CCDC40: variants seen among roughly 807,000 people sequenced by gnomAD.
The protein encoded by CCDC40 is coiled-coil domain 40 molecular ruler complex subunit.
A neutral mutation model predicts 124.5 loss-of-function variants in CCDC40; 104 were observed. The observed-to-expected ratio is 0.84, with a 90% CI of 0.71 to 0.98. The LOEUF is 0.98. Among genes scored for constraint, CCDC40 ranks in the 50% least tolerant of loss-of-function variants. The pLI, the probability that CCDC40 is intolerant of heterozygous loss-of-function variation, is 0.00. For missense variants in CCDC40, 1,463 were observed against 1,503.9 expected, an observed-to-expected ratio of 0.97 and a Z score of 0.45; for synonymous variants, 580 against 602.9, an observed-to-expected ratio of 0.96 and a Z score of 0.56.
intron 19 of CCDC40, chr17:80,098,795 C>T (rs984668370): frequency 2.0e-5 from 3 of 151,502 alleles, no homozygotes. Flanking sequence ...AAATATTAGC[C>T]AGGCATGGTG....
In CCDC40 at chr17:80,039,917, G is replaced by A. The variant is rs776361804; in HGVS notation, c.199G>A (p.Gly67Arg). 6.2e-7 allele frequency: 1 copy of A among 1,613,470 alleles called. No individual in the cohort carries two copies. Among genetic ancestry groups the A allele is most frequent in the Non-Finnish European group, 8.5e-7 (1 of 1,179,572 alleles). ...TTQAEAAIEE[G>R]EVETEGEAAV... Reference sequence around the variant, plus strand: ...CCAAGCGGAAGCTGCAATTGAAGAGGGGGAGGTGGAGACAGAAGGGGAAGC... The same window carrying A: ...CCAAGCGGAAGCTGCAATTGAAGAGAGGGAGGTGGAGACAGAAGGGGAAGC... Residue 67 changes from glycine to arginine, a missense_variant, in exon 3 of 20, where the codon GGG becomes AGG. Physicochemically the swap from Gly to Arg is moderately radical, Grantham distance 125 (BLOSUM62 -2). Transcript: ENST00000397545.
intron 3 of CCDC40, among the ~76,000 whole-genome samples, chr17:80,044,107 G>C (rs894517048): frequency 6.6e-6 from 1 of 152,258 alleles, no homozygotes; most frequent in South Asian, 2.1e-4. Flanking sequence ...TACGAGGTAG[G>C]AACTATGATT....
At chr17:80,088,687 G>T (rs1387603709) in intron 16 of CCDC40, among the ~76,000 whole-genome samples, 1 of 152,188 alleles carries the variant, frequency 6.6e-6, no homozygotes, top group Admixed American at 6.5e-5. Flanking sequence ...CATGCCGGTA[G>T]TCCCAGCTAC....
chr17:80,046,914 C>T (rs2037434302), intron 3 of CCDC40, among the ~76,000 whole-genome samples: 1 of 152,188 alleles, frequency 6.6e-6, no homozygotes. Context: ...GCTGTGATCT[C>T]TGCTCACTGC....
At chr17:80,075,330 T>A (rs1171340419) in intron 10 of CCDC40, among the ~76,000 whole-genome samples, 1 of 147,896 alleles carries the variant, frequency 6.8e-6, no homozygotes. Context: ...CAGGCTGGAG[T>A]GCAGTGGCAC....
intron 10 of CCDC40, among the ~76,000 whole-genome samples, chr17:80,068,418 T>C (rs1423349036): frequency 1.3e-5 from 2 of 152,254 alleles, no homozygotes; most frequent in African/African-American, 4.8e-5. Context: ...CCCAGATAGA[T>C]TTGAAGAAGC....
intron 7 of CCDC40, among the ~76,000 whole-genome samples, chr17:80,052,340 G>A (rs1003947547): frequency 6.6e-6 from 1 of 152,178 alleles, no homozygotes; most frequent in African/African-American, 2.4e-5. Flanking sequence ...TCCAGCACAG[G>A]AGAAAGATGT....
At chr17:80,059,076 G>A (rs1286106004) in intron 9 of CCDC40, 96 bp downstream of exon 9, 3 of 1,477,138 alleles carry the variant, frequency 2.0e-6, no homozygotes, top group Non-Finnish European at 2.8e-6. Context: ...CTGCCCGTCT[G>A]CTGGATGAGT....
At position 80,047,339 on chromosome 17, in the gene CCDC40, C is replaced by G. The variant is rs753704549; in HGVS notation, c.613C>G (p.Arg205Gly). The G allele has an allele frequency of 1.2e-6, 2 of 1,613,898 alleles. No individual in the cohort carries two copies. Among genetic ancestry groups the G allele is most frequent in the Admixed American group, 1.7e-5 (1 of 60,006 alleles). The change falls in exon 4 of 20, where the codon CGG becomes GGG. Residue 205 changes from arginine to glycine, a missense_variant. Transcript: ENST00000397545. ...VLPMGVQHRF[R>G]LSHGSDIESS... is the part of the protein sequence containing the mutation. ...CCCAATGGGCGTCCAGCACCGCTTC[C>G]GGCTGAGCCACGGGAGCGACATCGA...
rs10693712 is a variant in CCDC40, at chr17:80,090,346, A to ACAC, written c.2832+462_2832+463insCAC. On this transcript the variant is annotated intron_variant, in intron 17 of 19. Transcript: ENST00000397545. ...ACGCGCGCAGGCACGTGCACGAACAAGGGACGCGCGCAGGCACGTGCACGA... is the reference window on the plus strand; with the variant it reads ...ACGCGCGCAGGCACGTGCACGAACAACACGGGACGCGCGCAGGCACGTGCACGA... The ACAC allele has an allele frequency of 0.032, 13,754 of 426,652 alleles. 945 individuals carry two copies. Among genetic ancestry groups the ACAC allele is most frequent in the Middle Eastern group, 0.12 (226 of 1,808 alleles). 26.4% of individuals were successfully genotyped at this position (426,652 alleles called of 1,614,324 possible).
chr17:80,081,478 G>A, intron 10 of CCDC40, 68 bp from the exon 11 acceptor site: 1 of 1,605,020 alleles, frequency 6.2e-7, no homozygotes, highest in Admixed American at 1.7e-5. Flanking sequence ...CTCGTGTGGG[G>A]CGCAGCTCTG....
At chr17:80,068,687 C>A (rs566212966) in intron 10 of CCDC40, among the ~76,000 whole-genome samples, 2 of 151,936 alleles carry the variant, frequency 1.3e-5, no homozygotes, top group Non-Finnish European at 2.9e-5. Context: ...TGGGGCAGGA[C>A]CCCCTGGCCC....
In CCDC40 at chr17:80,058,539, T is replaced by G. The variant is rs570265689; in HGVS notation, c.1205T>G (p.Phe402Cys). The change falls in exon 8 of 20, where the codon TTC becomes TGC. Residue 402 changes from phenylalanine to cysteine, a missense_variant. Transcript: ENST00000397545. This position sits in a 1 kb window ranked among gnomAD's most constrained non-coding sequence, Gnocchi z 4.2. ...TEMENLALHL[F>C]YMQNIDQDMR... ...ATGGAGAACTTGGCCCTGCATCTCT[T>G]CTACATGCAGAACATCGACCAGGAC... The G allele has an allele frequency of 1.9e-6, 3 of 1,614,024 alleles. No homozygotes were observed. The highest frequency in any genetic ancestry group is 2.7e-5 in the African/African-American group (2 of 75,040).
At chr17:80,036,714 G>A (rs1410399509) in intron 1 of CCDC40, 23 bp downstream of exon 1, 2 of 1,459,812 alleles carry the variant, frequency 1.4e-6, no homozygotes, top group Non-Finnish European at 1.8e-6. Context: ...GAGGGGCAGC[G>A]GGTCTTGGAG....
chr17:80,065,784 T>C (rs1598511335), intron 10 of CCDC40, among the ~76,000 whole-genome samples, 178 bp downstream of exon 10: 1 of 152,240 alleles, frequency 6.6e-6, no homozygotes, highest in South Asian at 2.1e-4. Flanking sequence ...ATTTCAGCGA[T>C]TCTTAAATCC....
intron 17 of CCDC40, among the ~76,000 whole-genome samples, chr17:80,091,744 A>G (rs1254230162): frequency 6.6e-6 from 1 of 152,092 alleles, no homozygotes; most frequent in African/African-American, 2.4e-5. Flanking sequence ...ATCACACAGC[A>G]TTATAATCAC....
At position 80,036,691 on chromosome 17, in the gene CCDC40, G is replaced by T; in HGVS notation, c.29G>T (p.Arg10Leu). The T allele has an allele frequency of 6.8e-7, 1 of 1,462,764 alleles. No homozygotes were observed. The highest frequency in any genetic ancestry group is 1.3e-5 in the South Asian group (1 of 75,360). The allele number at this position is 1,462,764 out of a possible 1,614,324, so 90.6% of individuals were successfully genotyped here. The change falls in exon 1 of 20, where the codon CGG becomes CTG. Residue 10 changes from arginine (R) to leucine (L), a missense_variant and splice_region_variant. Coordinates refer to ENST00000397545, the MANE Select transcript of CCDC40 (RefSeq NM_017950.4). ...GCGGAACCGGGCGGCGCGGCGGGCC[G>T]GTAAGCCGGGCCGAGGGGCAGCGGG... Reference protein sequence around the residue: MAEPGGAAGRSHPEDGSASE... With the variant: MAEPGGAAGLSHPEDGSASE...
chr17:80,040,352 C>T (rs2037245847), intron 3 of CCDC40, 82 bp downstream of exon 3: 1 of 1,284,580 alleles, frequency 7.8e-7, no homozygotes, highest in South Asian at 1.3e-5. Context: ...CTTGGGAATA[C>T]ATTATAAATA....
At chr17:80,072,819 A>T (rs1240042824) in intron 10 of CCDC40, among the ~76,000 whole-genome samples, 1 of 152,102 alleles carries the variant, frequency 6.6e-6, no homozygotes, top group South Asian at 2.1e-4. Flanking sequence ...TTGTCCATCC[A>T]CCAACTGATG....
Sources: gnomAD v4.1 joint callset for allele counts (sites outside exome capture counted in the v4.1 genomes callset) on GRCh38, gnomAD v4.1.1 for gene constraint, Gnocchi (gnomAD v3.1) non-coding constraint, MANE v1.5 for transcripts, NCBI Gene and HGNC (gene_info 2026-07-23, HGNC 2026-07-21) for gene names.